The following MGA variants were observed in gnomAD, a reference collection of about 807,000 sequenced individuals.
The protein encoded by MGA is MAX gene-associated protein.
A neutral mutation model predicts 261.1 loss-of-function variants in MGA; 40 were observed. That is an observed-to-expected ratio of 0.15 (90% CI 0.12 to 0.20). The LOEUF (loss-of-function observed/expected upper bound fraction) is 0.20. Among genes scored for constraint, MGA ranks in the 10% least tolerant of loss-of-function variants. MGA has a pLI of 1.00. For synonymous variants in MGA, 1,302 were observed against 1,290.6 expected, an observed-to-expected ratio of 1.01 and a Z score of -0.19; for missense variants, 3,397 against 3,630.5, an observed-to-expected ratio of 0.94 and a Z score of 1.65.
rs770383940 is a variant in MGA at position 41,749,782 on chromosome 15, G to C, written c.6175G>C (p.Asp2059His). 2 of 1,613,956 alleles carry C rather than the reference G, an allele frequency of 1.2e-6. No individual in the cohort carries two copies. Among genetic ancestry groups the C allele is most frequent in the Admixed American group, 3.3e-5 (2 of 60,020 alleles). ...TTCCTGTATCACTGGGTCACATACA[G>C]ATCAAGATTATAAAGATGTTAATGA... Residue 2059 changes from aspartate to histidine, a missense_variant, in exon 17 of 24, where the codon GAT becomes CAT. Asp to His is a moderately conservative substitution (Grantham distance 81, BLOSUM62 -1). Around this residue, in one of 9 missense-constraint regions of MGA, gnomAD observed 1,410 missense variants for 1,386.4 expected, o/e 1.02. Coordinates refer to ENST00000219905, the MANE Select transcript of MGA (RefSeq NM_001164273.2).
At chr15:41,714,011 T>C (rs2060506694) in intron 9 of MGA, among the ~76,000 whole-genome samples, 1 of 152,174 alleles carries the variant, frequency 6.6e-6, no homozygotes, top group Non-Finnish European at 1.5e-5. Flanking sequence ...TAAAATATGA[T>C]GTAGATGTAG....
Position 41,711,192 on chromosome 15 carries a change from A to G in MGA, c.2927A>G (p.Gln976Arg). ...ATTAGTTTGCGGCAGGCACAGCAGC[A>G]GCAGCAACAGCAACAGGGAAGTCGC... The change falls in exon 8 of 24, where the codon CAG becomes CGG. Residue 976 changes from glutamine to arginine, a missense_variant. Around this residue, in one of 9 missense-constraint regions of MGA, gnomAD observed 519 missense variants for 554.1 expected, o/e 0.94. Transcript: ENST00000219905. The G allele has an allele frequency of 6.2e-7, 1 of 1,614,050 alleles. No individual in the cohort carries two copies. The highest frequency in any genetic ancestry group is 8.5e-7 in the Non-Finnish European group (1 of 1,179,904).
At chr15:41,693,624 G>T (rs964648827) in intron 2 of MGA, among the ~76,000 whole-genome samples, 2 of 152,118 alleles carry the variant, frequency 1.3e-5, no homozygotes, top group African/African-American at 2.4e-5. Flanking sequence ...GCTTGGTGTT[G>T]AAAATGTATT....
At chr15:41,708,246 C>A in intron 7 of MGA, 38 bp downstream of exon 7, 1 of 1,359,400 alleles carries the variant, frequency 7.4e-7, no homozygotes, top group Non-Finnish European at 1.0e-6. Context: ...TGTTCTGAAA[C>A]ATGTAGCCAG....
intron 14 of MGA, 130 bp downstream of exon 14, chr15:41,740,333 T>A: frequency 9.7e-7 from 1 of 1,034,840 alleles, no homozygotes; most frequent in Non-Finnish European, 1.4e-6. Flanking sequence ...GTTGTCTGTC[T>A]TGCCTGGACT....
At chr15:41,647,306 AC>A (rs1781863988) in intron 1 of MGA, among the ~76,000 whole-genome samples, 1 of 152,200 alleles carries the variant, frequency 6.6e-6, no homozygotes, top group African/African-American at 2.4e-5. Flanking sequence ...AATTGCACTT[AC>A]ATTTATAGTT....
chr15:41,754,490 T>A lies in MGA; in HGVS notation c.7062T>A (p.Thr2354=). 1 of 1,568,576 alleles carries A rather than the reference T, an allele frequency of 6.4e-7. No homozygotes were observed. Among genetic ancestry groups the A allele is most frequent in the South Asian group, 1.2e-5 (1 of 85,408 alleles). Residue 2354 remains threonine, a synonymous_variant, in exon 18 of 24, where the codon ACT becomes ACA. Transcript: ENST00000219905. ...ATGAGGAGCACGTGGACATTGAGAC[T>A]GTAGAAGAGCTCTCAGAGGAAATTA...
chr15:41,691,622 T>C, intron 2 of MGA: 1 of 518,498 alleles, frequency 1.9e-6, no homozygotes, highest in Non-Finnish European at 4.0e-6. Flanking sequence ...TGAGGAGTAT[T>C]TTTATGCAAT....
At chr15:41,717,505 G>A (rs1024097728) in intron 9 of MGA, among the ~76,000 whole-genome samples, 3 of 152,126 alleles carry the variant, frequency 2.0e-5, no homozygotes, top group African/African-American at 7.2e-5. Flanking sequence ...ACAACTTTAT[G>A]TCAGTAAATG....
intron 1 of MGA, among the ~76,000 whole-genome samples, chr15:41,632,590 T>C (rs1323183392): frequency 6.6e-6 from 1 of 152,178 alleles, no homozygotes; most frequent in Non-Finnish European, 1.5e-5. Flanking sequence ...AATCAGACCT[T>C]GGCAAGCCAA....
intron 9 of MGA, among the ~76,000 whole-genome samples, chr15:41,715,511 TAAAAA>T (rs926698454): frequency 6.6e-6 from 1 of 151,906 alleles, no homozygotes; most frequent in African/African-American, 2.4e-5. Context: ...TTTTTGGACT[TAAAAA>T]AAATAAGTTG....
chr15:41,748,191 A>G (rs532675490), intron 15 of MGA, among the ~76,000 whole-genome samples: 10 of 152,222 alleles, frequency 6.6e-5, no homozygotes, highest in Admixed American at 2.0e-4. Flanking sequence ...AAGGAGTTTG[A>G]GACTGCAGTG....
rs981011107 is a variant in MGA at position 41,769,755 on chromosome 15, A to G, written c.*2475A>G. 12 of 152,642 alleles carry G rather than the reference A, an allele frequency of 7.9e-5. No homozygotes were observed. The highest frequency in any genetic ancestry group is 2.9e-4 in the African/African-American group (12 of 41,454). 9.5% of individuals were successfully genotyped at this position (152,642 alleles called of 1,614,324 possible). ...TCACCTTTTTATACATCTGTAAATA[A>G]ATGGAATGTTTTTAAGAATATAATT... On this transcript the variant is annotated 3_prime_UTR_variant, in exon 24 of 24. Coordinates refer to ENST00000219905, the MANE Select transcript of MGA (RefSeq NM_001164273.2).
Position 41,742,994 on chromosome 15 carries a change from T to G in MGA, c.5034T>G (p.Ser1678=), listed in dbSNP as rs1308106903. Residue 1678 remains serine (S), a synonymous_variant, in exon 15 of 24, where the codon TCT becomes TCG. Coordinates refer to ENST00000219905, the MANE Select transcript of MGA (RefSeq NM_001164273.2). ...TGGCTTCAGTTGCTTTTCCTAAGTCTTTGGTAGCATCTCCTTCAACCATAA... is the reference window on the plus strand; with the variant it reads ...TGGCTTCAGTTGCTTTTCCTAAGTCGTTGGTAGCATCTCCTTCAACCATAA... 1 of 1,614,016 alleles carries G rather than the reference T, an allele frequency of 6.2e-7. No individual in the cohort carries two copies. Among genetic ancestry groups the G allele is most frequent in the Non-Finnish European group, 8.5e-7 (1 of 1,179,900 alleles).
chr15:41,691,484 T>G (rs181028951), intron 2 of MGA: 21 of 288,864 alleles, frequency 7.3e-5, no homozygotes, highest in Admixed American at 5.4e-4. Context: ...TGAATAGAGA[T>G]AGTTTTGCTT....
intron 1 of MGA, among the ~76,000 whole-genome samples, chr15:41,650,701 G>A (rs922442974): frequency 5.7e-4 from 87 of 152,182 alleles, no homozygotes; most frequent in African/African-American, 2.1e-3. Flanking sequence ...GCCTCCAAAA[G>A]TGCTGAGATT....
intron 1 of MGA, among the ~76,000 whole-genome samples, chr15:41,666,060 A>T (rs370368471): frequency 1.5e-4 from 21 of 138,828 alleles, no homozygotes; most frequent in African/African-American, 2.4e-4. Context: ...CATACCTGCT[A>T]TTTTTTTTTT....
intron 9 of MGA, among the ~76,000 whole-genome samples, chr15:41,713,741 G>C (rs999012435): frequency 2.6e-5 from 4 of 152,054 alleles, no homozygotes; most frequent in Non-Finnish European, 5.9e-5. Context: ...ACTGTTACTT[G>C]GTTTTCTAGA....
Position 41,750,571 on chromosome 15 carries a change from G to A in MGA, c.6964G>A (p.Val2322Ile). ...TGATTCTATTGATGAAATTGTGGAT[G>A]TTGTTTCTGACTACCAGAGTGAGGA... Residue 2322 changes from valine to isoleucine, a missense_variant, in exon 17 of 24, where the codon GTT becomes ATT. This residue lies in a region of MGA where 1,410 missense variants were observed against 1,386.4 expected (regional missense o/e 1.02). Transcript: ENST00000219905. 2 of 1,611,288 alleles carry A rather than the reference G, an allele frequency of 1.2e-6. No individual in the cohort carries two copies. The highest frequency in any genetic ancestry group is 1.7e-6 in the Non-Finnish European group (2 of 1,178,604).
Sources: allele counts gnomAD v4.1 joint callset (sites outside exome capture counted in the v4.1 genomes callset), GRCh38; gene constraint gnomAD v4.1.1; regional missense constraint gnomAD v4.1.1; transcripts MANE v1.5; gene names NCBI Gene and HGNC (gene_info 2026-07-23, HGNC 2026-07-21).